Variants in TMX3 observed in about 807,000 individuals in gnomAD.
The protein encoded by TMX3 is thioredoxin related transmembrane protein 3.
In TMX3, 40 loss-of-function variants were observed where a neutral mutation model predicts 64.4. The ratio of observed to expected loss-of-function variants is 0.62; its 90% CI spans 0.48 to 0.81. The LOEUF (loss-of-function observed/expected upper bound fraction) is 0.81. Among genes scored for constraint, TMX3 ranks in the 30% least tolerant of loss-of-function variants. The pLI is 0.00. For missense variants in TMX3, 497 were observed against 534.5 expected, an observed-to-expected ratio of 0.93 and a Z score of 0.69; for synonymous variants, 189 against 175.7, an observed-to-expected ratio of 1.08 and a Z score of -0.60.
chr18:68,685,449 C>T (rs1439071914), intron 10 of TMX3, among the ~76,000 whole-genome samples: 3 of 152,170 alleles, frequency 2.0e-5, no homozygotes, highest in Non-Finnish European at 4.4e-5. Flanking sequence ...TGACATCTAC[C>T]TTCCTGAAAT....
In TMX3 at chr18:68,679,542, G is replaced by A; in HGVS notation, c.1036-11C>T. 6.2e-7 allele frequency: 1 copy of A among 1,605,060 alleles called. No homozygotes were observed. Among genetic ancestry groups the A allele is most frequent in the Non-Finnish European group, 8.5e-7 (1 of 1,176,560 alleles). On this transcript the variant is annotated splice_polypyrimidine_tract_variant and intron_variant, in intron 14 of 15. Coordinates refer to ENST00000299608, the MANE Select transcript of TMX3 (RefSeq NM_019022.5). ...ATCACCTCCTTGGGCCTTCAAAAAA[G>A]GAAAAGAAAAATAAATTATTTAAGC...
At chr18:68,690,061 A>G (rs903991023) in intron 9 of TMX3, 2 of 152,230 alleles carry the variant, frequency 1.3e-5, no homozygotes, top group Non-Finnish European at 2.9e-5. Context: ...TGACTGTCAA[A>G]ACAATTAAAA....
At chr18:68,705,439 T>C (rs2030569350) in intron 4 of TMX3, among the ~76,000 whole-genome samples, 3 of 152,144 alleles carry the variant, frequency 2.0e-5, no homozygotes, top group African/African-American at 7.2e-5. Context: ...AAAGGCAAAA[T>C]TAATTTTTAA....
chr18:68,701,747 CTTAA>C lies in TMX3; in HGVS notation c.305_308del (p.Ile102SerfsTer3), dbSNP rs1406418169. 2 of 1,611,702 alleles carry C rather than the reference CTTAA, an allele frequency of 1.2e-6. No homozygotes were observed. The highest frequency in any genetic ancestry group is 1.3e-5 in the African/African-American group (1 of 74,816). On this transcript the variant is annotated frameshift_variant, in exon 5 of 16. Transcript: ENST00000299608. LOFTEE classifies it high-confidence loss of function. ...TAAACATACAACACTCAACTTACAG[CTTAA>C]TTGTTGGATAACCTCGAACTCCAAA...
At chr18:68,696,237 C>A (rs148219373) in intron 8 of TMX3, among the ~76,000 whole-genome samples, 7,180 of 151,896 alleles carry the variant, frequency 0.047, 452 homozygotes, top group African/African-American at 0.14. Flanking sequence ...ACAGTGGCGC[C>A]ATCTTGGTTT....
intron 4 of TMX3, among the ~76,000 whole-genome samples, chr18:68,704,820 G>T (rs2030502506): frequency 2.0e-5 from 3 of 152,122 alleles, no homozygotes; most frequent in Admixed American, 1.3e-4. Context: ...GATGCTAGAG[G>T]TAAGTAGGAA....
In TMX3 at chr18:68,682,718, T is replaced by G. The variant is rs530257548; in HGVS notation, c.905+207A>C. 7.0e-4 allele frequency among the ~76,000 whole-genome samples: 107 copies of G among 152,166 alleles called. 1 individual carries two copies. In the Middle Eastern group the frequency reaches 0.017, roughly 24 times the overall value. On this transcript the variant is annotated intron_variant, in intron 13 of 15. Coordinates refer to ENST00000299608, the MANE Select transcript of TMX3 (RefSeq NM_019022.5). ...TTAAATCAGGAGATAATTTTTTTTT[T>G]TTTTTACTATAGACCAATATTAAAG...
intron 10 of TMX3, 44 bp from the exon 11 acceptor site, chr18:68,684,529 C>T (rs1436759474): frequency 1.3e-6 from 2 of 1,524,386 alleles, no homozygotes; most frequent in South Asian, 2.3e-5. Context: ...ACCCTTATTA[C>T]ACAAACTGTT....
chr18:68,680,954 T>C (rs1004754565), intron 14 of TMX3, 27 bp downstream of exon 14: 19 of 1,544,722 alleles, frequency 1.2e-5, no homozygotes, highest in Non-Finnish European at 1.7e-5. Flanking sequence ...GTCCATCATC[T>C]CTTTGAAACA....
intron 14 of TMX3, 133 bp from the exon 15 acceptor site, chr18:68,679,664 G>A: frequency 1.5e-6 from 1 of 674,716 alleles, no homozygotes; most frequent in South Asian, 2.1e-5. Context: ...AGGCCATGTG[G>A]TAAACATTTA....
chr18:68,707,270 G>A (rs1287950980), intron 4 of TMX3, among the ~76,000 whole-genome samples: 1 of 151,788 alleles, frequency 6.6e-6, no homozygotes, highest in Non-Finnish European at 1.5e-5. Context: ...ATCCAAGGTC[G>A]GGGGCAAGTA....
rs181227117 is a variant in TMX3 at position 68,710,546 on chromosome 18, G to A, written c.142-402C>T. Reference sequence around the variant, plus strand: ...ATCAATCTACTTCTATTACAAAAATGTCAACATAGTAGGTGACTTTGCTGA... The same window carrying A: ...ATCAATCTACTTCTATTACAAAAATATCAACATAGTAGGTGACTTTGCTGA... On this transcript the variant is annotated intron_variant, in intron 3 of 15. Transcript: ENST00000299608. Among the ~76,000 whole-genome samples, 737 of 148,276 alleles carry A rather than the reference G, an allele frequency of 5.0e-3. 5 individuals are homozygous for A. Among genetic ancestry groups the A allele is most frequent in the Non-Finnish European group, 7.5e-3 (509 of 67,958 alleles).
chr18:68,697,194 T>C (rs779778140), intron 8 of TMX3, 32 bp downstream of exon 8: 2 of 1,119,662 alleles, frequency 1.8e-6, no homozygotes, highest in South Asian at 1.5e-5. Flanking sequence ...ATAAATAAAA[T>C]TGTGTCGTTA....
chr18:68,687,562 T>G, intron 10 of TMX3, 105 bp downstream of exon 10: 3 of 1,497,612 alleles, frequency 2.0e-6, no homozygotes, highest in Non-Finnish European at 2.7e-6. Context: ...AATAAAAAAT[T>G]AAGTTGAGAA....
intron 8 of TMX3, among the ~76,000 whole-genome samples, chr18:68,694,318 C>CTTTCAGGCACCATTGTG (rs1199588839): frequency 6.6e-6 from 1 of 152,200 alleles, no homozygotes; most frequent in Non-Finnish European, 1.5e-5. Context: ...CGTCTCTGAG[C>CTTTCAGGCACCATTGTG]TTTCAGGCAC....
At chr18:68,711,277 T>A (rs1203164049) in intron 3 of TMX3, 87 bp downstream of exon 3, 1 of 927,548 alleles carries the variant, frequency 1.1e-6, no homozygotes, top group Non-Finnish European at 1.6e-6. Context: ...ACTAGCTGTT[T>A]ACTGCCATTT....
At chr18:68,678,113 G>A (rs1240563737) in intron 15 of TMX3, among the ~76,000 whole-genome samples, 2 of 152,102 alleles carry the variant, frequency 1.3e-5, no homozygotes, top group Non-Finnish European at 2.9e-5. Flanking sequence ...TGGAAACCAG[G>A]TGAAAGAGAC....
At chr18:68,713,335 C>G (rs554079349) in intron 2 of TMX3, among the ~76,000 whole-genome samples, 2 of 152,216 alleles carry the variant, frequency 1.3e-5, no homozygotes, top group South Asian at 4.1e-4. Flanking sequence ...CCTGGGAGGC[C>G]GAATCCTTGA....
chr18:68,686,535 C>G (rs7243411), intron 10 of TMX3, among the ~76,000 whole-genome samples: 13,765 of 151,992 alleles, frequency 0.091, 641 homozygotes, highest in East Asian at 0.11. Context: ...ATGGTGAAAC[C>G]CCGTCTCTGC....
Sources: allele counts gnomAD v4.1 joint callset (sites outside exome capture counted in the v4.1 genomes callset), GRCh38; gene constraint gnomAD v4.1.1; transcripts MANE v1.5; gene names NCBI Gene and HGNC (gene_info 2026-07-23, HGNC 2026-07-21).